The following EML5 variants were observed in gnomAD, a reference collection of about 807,000 sequenced individuals.
The protein encoded by EML5 is EMAP like 5, also known as echinoderm microtubule-associated protein-like 5.
EML5 carries 120 observed loss-of-function variants against 250.0 expected under a neutral mutation model. That is an observed-to-expected ratio of 0.48 (90% CI 0.41 to 0.56). EML5 has a LOEUF of 0.56. EML5 is among the 20% of genes least tolerant of loss of function. The pLI, the probability that EML5 is intolerant of heterozygous loss-of-function variation, is 0.00. For missense variants in EML5, 2,006 were observed against 2,437.6 expected, an observed-to-expected ratio of 0.82 and a Z score of 3.73; for synonymous variants, 771 against 806.5, an observed-to-expected ratio of 0.96 and a Z score of 0.75.
At chr14:88,697,095 T>A in intron 14 of EML5, 143 bp from the exon 15 acceptor site, 1 of 543,688 alleles carries the variant, frequency 1.8e-6, no homozygotes, top group African/African-American at 1.9e-5. Flanking sequence ...GCAAACTATA[T>A]AAGTGACTGA....
intron 1 of EML5, among the ~76,000 whole-genome samples, chr14:88,771,540 A>G (rs1218549647): frequency 2.0e-5 from 3 of 152,148 alleles, no homozygotes; most frequent in African/African-American, 7.2e-5. Flanking sequence ...CCCTTGACCA[A>G]TTACCCATCA....
intron 1 of EML5, among the ~76,000 whole-genome samples, chr14:88,779,602 TC>T: frequency 6.6e-6 from 1 of 152,360 alleles, no homozygotes; most frequent in African/African-American, 2.4e-5. Flanking sequence ...AGAAGTCACT[TC>T]ATATTGCCTC....
At chr14:88,767,222 A>AG (rs2094332341) in intron 1 of EML5, among the ~76,000 whole-genome samples, 1 of 152,196 alleles carries the variant, frequency 6.6e-6, no homozygotes, top group Non-Finnish European at 1.5e-5. Context: ...TCAGTTTTAA[A>AG]GTCTTTGCAG....
chr14:88,717,265 A>G (rs2093512008), intron 8 of EML5, among the ~76,000 whole-genome samples: 1 of 152,218 alleles, frequency 6.6e-6, no homozygotes, highest in Non-Finnish European at 1.5e-5. Context: ...TGATGGCAAG[A>G]GAAAGTATTC....
intron 1 of EML5, among the ~76,000 whole-genome samples, chr14:88,777,887 G>A (rs918577910): frequency 1.3e-5 from 2 of 152,146 alleles, no homozygotes; most frequent in Non-Finnish European, 2.9e-5. Context: ...AGGTAGGAGG[G>A]TCACCTGAGC....
At chr14:88,739,688 A>G (rs2093896636) in intron 5 of EML5, among the ~76,000 whole-genome samples, 1 of 152,202 alleles carries the variant, frequency 6.6e-6, no homozygotes, top group African/African-American at 2.4e-5. Context: ...AAGATGTAAT[A>G]AGCAAAGACA....
At chr14:88,622,355 T>C (rs1166304919) in intron 37 of EML5, 2 of 342,796 alleles carry the variant, frequency 5.8e-6, no homozygotes, top group African/African-American at 2.1e-5. Flanking sequence ...CTAGAGTTGT[T>C]AAATTGGCAG....
At chr14:88,754,698 G>C in intron 1 of EML5, 27 bp from the exon 2 acceptor site, 1 of 1,554,842 alleles carries the variant, frequency 6.4e-7, no homozygotes, top group Non-Finnish European at 8.7e-7. Context: ...TAAATAAGTA[G>C]TATTATTAAA....
At chr14:88,701,432 C>G (rs1023689408) in intron 14 of EML5, among the ~76,000 whole-genome samples, 2 of 152,260 alleles carry the variant, frequency 1.3e-5, no homozygotes, top group African/African-American at 4.8e-5. Context: ...TTCACCATGA[C>G]AAGAAGTTGT....
In EML5 at chr14:88,626,826, TAA is replaced by T; in HGVS notation, c.4740+10_4740+11del. ...AGTCAAAGTCACACTATGTGCATTT[TAA>T]GAGACATACTGCACCAAATGCAATA... On this transcript the variant is annotated intron_variant, in intron 35 of 43. Transcript: ENST00000554922. The T allele has an allele frequency of 6.2e-7, 1 of 1,613,382 alleles. No homozygotes were observed. Among genetic ancestry groups the T allele is most frequent in the Non-Finnish European group, 8.5e-7 (1 of 1,179,610 alleles).
At chr14:88,746,735 T>C (rs761507281) in intron 2 of EML5, among the ~76,000 whole-genome samples, 9 of 152,040 alleles carry the variant, frequency 5.9e-5, no homozygotes, top group Non-Finnish European at 8.8e-5. Context: ...CTGAGGAAGA[T>C]AGGAGACAAA....
chr14:88,630,100 G>A (rs778388973), intron 33 of EML5, among the ~76,000 whole-genome samples: 10 of 141,150 alleles, frequency 7.1e-5, no homozygotes, highest in Non-Finnish European at 1.5e-4. Context: ...GCATGATCTC[G>A]GCTCACTGCA....
In EML5 at chr14:88,687,278, G is replaced by A; in HGVS notation, c.2792C>T (p.Ser931Phe). ...KDGIVALWDD[S>F]FERCLKTYAI... ...ATAGGTCTTGAGACATCTTTCAAAA[G>A]AGTCATCCCAAAGAGCTACTATACC... The change falls in exon 19 of 44, where the codon TCT (serine) becomes TTT (phenylalanine). Residue 931 changes from serine (S) to phenylalanine (F), a missense_variant. Physicochemically the swap from Ser to Phe is radical, Grantham distance 155. Transcript: ENST00000554922. 2.5e-6 allele frequency: 4 copies of A among 1,612,180 alleles called. No homozygotes were observed. Among genetic ancestry groups the A allele is most frequent in the Non-Finnish European group, 3.4e-6 (4 of 1,179,282 alleles).
rs755245411 is a variant in EML5 at position 88,626,884 on chromosome 14, A to G, written c.4694T>C (p.Leu1565Pro). The G allele has an allele frequency of 6.2e-7, 1 of 1,613,906 alleles. No homozygotes were observed. Among genetic ancestry groups the G allele is most frequent in the African/African-American group, 1.3e-5 (1 of 74,942 alleles). The change falls in exon 35 of 44, where the codon CTG becomes CCG. Residue 1565 changes from leucine (L) to proline (P), a missense_variant. Leu to Pro is a moderately conservative substitution (Grantham distance 98). Coordinates refer to ENST00000554922, the MANE Select transcript of EML5 (RefSeq NM_183387.3). ...CATGGTCTGCATCCGGGCATCTTCC[A>G]GTGTGCTCAGTAGCCCTTTTTTGCT... ...LLSKKGLLST[L>P]EDARMQTMLA... is the part of the protein sequence containing the mutation.
intron 2 of EML5, among the ~76,000 whole-genome samples, chr14:88,750,955 A>C (rs1391078015): frequency 6.6e-6 from 1 of 152,238 alleles, no homozygotes; most frequent in Admixed American, 6.5e-5. Flanking sequence ...CTTTCTACTA[A>C]TGTCTCCTCT....
At chr14:88,644,127 A>G (rs2140673559) in intron 30 of EML5, among the ~76,000 whole-genome samples, 1 of 152,290 alleles carries the variant, frequency 6.6e-6, no homozygotes, top group East Asian at 1.9e-4. Context: ...TAAATTTTAG[A>G]TACTGCCAAG....
At chr14:88,785,851 G>A (rs1360229254) in intron 1 of EML5, among the ~76,000 whole-genome samples, 1 of 152,078 alleles carries the variant, frequency 6.6e-6, no homozygotes. Context: ...CAACATAGGA[G>A]CCAGAGTGAC....
chr14:88,739,008 TTCCTGC>T lies in EML5; in HGVS notation c.712_717del (p.Ala238_Gly239del), dbSNP rs755083074. 2.5e-6 allele frequency: 4 copies of T among 1,603,294 alleles called. No homozygotes were observed. In the African/African-American group the frequency reaches 5.4e-5, roughly 22 times the overall value. ...TCTTCACAAGCATTCATGCTAAAAA[TTCCTGC>T]CTAGAAGAGGAAATAAAATAATTTA... On this transcript the variant is annotated inframe_deletion and splice_region_variant, in exon 6 of 44. Coordinates refer to ENST00000554922, the MANE Select transcript of EML5 (RefSeq NM_183387.3).
intron 1 of EML5, among the ~76,000 whole-genome samples, chr14:88,788,711 A>T (rs2094575261): frequency 6.6e-6 from 1 of 152,092 alleles, no homozygotes; most frequent in African/African-American, 2.4e-5. Flanking sequence ...CCTTAAGAAC[A>T]ATCTTGCAAA....
Sources: allele counts gnomAD v4.1 joint callset (sites outside exome capture counted in the v4.1 genomes callset), GRCh38; gene constraint gnomAD v4.1.1; transcripts MANE v1.5; gene names NCBI Gene and HGNC (gene_info 2026-07-23, HGNC 2026-07-21).